The following KDSR variants were observed in gnomAD, a reference collection of about 807,000 sequenced individuals.
KDSR encodes the protein 3-dehydrosphinganine reductase.
A neutral mutation model predicts 41.3 loss-of-function variants in KDSR; 23 were observed. That is an observed-to-expected ratio of 0.56 (90% CI 0.40 to 0.79). The LOEUF is 0.79. KDSR is among the 30% of genes least tolerant of loss of function. The pLI is 0.00. For synonymous variants in KDSR, 138 were observed against 151.7 expected (o/e 0.91, Z 0.66); for missense variants, 351 against 416.8 (o/e 0.84, Z 1.37).
At chr18:63,352,823 C>T (rs886680486) in intron 5 of KDSR, among the ~76,000 whole-genome samples, 1 of 151,668 alleles carries the variant, frequency 6.6e-6, no homozygotes, top group African/African-American at 2.4e-5. Flanking sequence ...CTGGGATTCT[C>T]TTTTTTTTCC....
chr18:63,349,225 T>A (rs1432928561), intron 6 of KDSR, among the ~76,000 whole-genome samples: 1 of 151,886 alleles, frequency 6.6e-6, no homozygotes, highest in Non-Finnish European at 1.5e-5. Context: ...CTACAAAAAA[T>A]TTTAAAAATT....
chr18:63,349,963 G>A (rs894461051), intron 6 of KDSR, among the ~76,000 whole-genome samples: 2 of 152,148 alleles, frequency 1.3e-5, no homozygotes, highest in Non-Finnish European at 2.9e-5. Context: ...GTCAACCCCT[G>A]ATCTAAATCA....
chr18:63,355,409 T>A, intron 4 of KDSR, 89 bp downstream of exon 4: 3 of 1,608,636 alleles, frequency 1.9e-6, no homozygotes, highest in Non-Finnish European at 2.5e-6. Flanking sequence ...TATAGAGAAG[T>A]TGTGTCCATT....
chr18:63,358,220 A>G (rs1362426486), intron 3 of KDSR, among the ~76,000 whole-genome samples: 1 of 152,096 alleles, frequency 6.6e-6, no homozygotes, highest in Non-Finnish European at 1.5e-5. Flanking sequence ...GAAGAAATCA[A>G]GTTGCATAAG....
At position 63,328,934 on chromosome 18, in the gene KDSR, A is replaced by C. The variant is rs1234529210; in HGVS notation, c.*2848T>G. On this transcript the variant is annotated 3_prime_UTR_variant, in exon 10 of 10. Transcript: ENST00000645214. ...TACAGAAGGCCAACATTTAAACTGAATGATAATTAAACGTTTACTACCATA... is the reference window on the plus strand; with the variant it reads ...TACAGAAGGCCAACATTTAAACTGACTGATAATTAAACGTTTACTACCATA... The C allele has an allele frequency of 5.2e-6, 1 of 192,022 alleles. No homozygotes were observed. Among genetic ancestry groups the C allele is most frequent in the African/African-American group, 2.3e-5 (1 of 42,984 alleles). 11.9% of individuals were successfully genotyped at this position (192,022 alleles called of 1,614,324 possible).
At chr18:63,334,784 A>C (rs1439272413) in intron 9 of KDSR, among the ~76,000 whole-genome samples, 7 of 152,212 alleles carry the variant, frequency 4.6e-5, no homozygotes, top group African/African-American at 1.7e-4. Flanking sequence ...CTTGGACAAA[A>C]TAATACATTC....
At chr18:63,356,115 C>T (rs1322272100) in intron 3 of KDSR, among the ~76,000 whole-genome samples, 4 of 152,122 alleles carry the variant, frequency 2.6e-5, no homozygotes, top group Admixed American at 6.6e-5. Context: ...TAGTAGTAAT[C>T]GGCCAGGCGC....
At chr18:63,350,248 C>G (rs773366792) in intron 6 of KDSR, among the ~76,000 whole-genome samples, 40 of 152,224 alleles carry the variant, frequency 2.6e-4, no homozygotes, top group Non-Finnish European at 5.0e-4. Context: ...TAAAGTTGCA[C>G]TCATCATGAC....
chr18:63,335,015 A>G (rs1196118494), intron 9 of KDSR, among the ~76,000 whole-genome samples: 1 of 152,188 alleles, frequency 6.6e-6, no homozygotes, highest in Non-Finnish European at 1.5e-5. Flanking sequence ...ACGGTGTTTT[A>G]TTTCTCTATC....
At position 63,359,492 on chromosome 18, in the gene KDSR, G is replaced by A. The variant is rs186927055; in HGVS notation, c.255+244C>T. The A allele has an allele frequency of 2.7e-5, 10 of 371,926 alleles. No homozygotes were observed. In the South Asian group the frequency reaches 4.1e-4, roughly 15 times the overall value. 23.0% of individuals were successfully genotyped at this position (371,926 alleles called of 1,614,324 possible). A position where few individuals can be genotyped will look rare whatever the true frequency, so the allele number is the denominator to read the frequency against. The stretch of plus-strand genomic sequence containing the variant: ...AGTTCATTAAAAAAAAAATTAAAAT[G>A]AAATTATTTGCCAGTAAAACATTCT... On this transcript the variant is annotated intron_variant, in intron 3 of 9. Coordinates refer to ENST00000645214, the MANE Select transcript of KDSR (RefSeq NM_002035.4).
At chr18:63,358,130 A>G (rs1259234468) in intron 3 of KDSR, among the ~76,000 whole-genome samples, 2 of 152,174 alleles carry the variant, frequency 1.3e-5, no homozygotes, top group Admixed American at 1.3e-4. Flanking sequence ...GTGCCACTGC[A>G]CTCCAGACTG....
intron 2 of KDSR, among the ~76,000 whole-genome samples, chr18:63,361,423 A>G (rs1222499050): frequency 1.3e-5 from 2 of 151,930 alleles, no homozygotes; most frequent in Admixed American, 1.3e-4. Flanking sequence ...GTTTTCATTT[A>G]TGTAAGGTGG....
In KDSR at chr18:63,331,290, GAGACAGAGAGACAGAGAGAC is replaced by G. The variant is rs1568273653; in HGVS notation, c.*472_*491del. 1.3e-4 allele frequency: 27 copies of G among 201,210 alleles called. 1 individual carries two copies. Among genetic ancestry groups the G allele is most frequent in the Admixed American group, 1.0e-3 (15 of 14,568 alleles). 12.5% of individuals were successfully genotyped at this position (201,210 alleles called of 1,614,324 possible). On this transcript the variant is annotated 3_prime_UTR_variant, in exon 10 of 10. Transcript: ENST00000645214. ...AAAGAGAGAGAGAGAGAGAGACAGA[GAGACAGAGAGACAGAGAGAC>G]AGAGAGACAGAGAGACAGAGAGAGA...
At chr18:63,353,853 G>A (rs1173391090) in intron 5 of KDSR, among the ~76,000 whole-genome samples, 1 of 152,118 alleles carries the variant, frequency 6.6e-6, no homozygotes, top group African/African-American at 2.4e-5. Context: ...ACCAGGTGAG[G>A]GCCGCCCTAT....
At chr18:63,337,143 T>C (rs972142806) in intron 8 of KDSR, among the ~76,000 whole-genome samples, 4 of 145,820 alleles carry the variant, frequency 2.7e-5, no homozygotes, top group African/African-American at 1.0e-4. Context: ...TATATGGAGT[T>C]TTGCTCTTGT....
At chr18:63,345,308 T>G (rs752055482) in intron 6 of KDSR, 1 of 152,464 alleles carries the variant, frequency 6.6e-6, no homozygotes. Flanking sequence ...CCTGCACACT[T>G]CACGCTTCAC....
intron 6 of KDSR, among the ~76,000 whole-genome samples, chr18:63,347,938 A>C (rs979549577): frequency 1.3e-5 from 2 of 152,130 alleles, no homozygotes; most frequent in African/African-American, 4.8e-5. Context: ...GTTTGGGGGC[A>C]AAGGGAGGTG....
intron 7 of KDSR, among the ~76,000 whole-genome samples, chr18:63,340,007 G>A (rs879378004): frequency 1.3e-3 from 193 of 152,164 alleles, no homozygotes; most frequent in African/African-American, 4.5e-3. Context: ...AAGGAGCCAC[G>A]ATTCATTCTT....
intron 5 of KDSR, among the ~76,000 whole-genome samples, chr18:63,353,877 G>T (rs780031172): frequency 7.2e-5 from 11 of 152,260 alleles, no homozygotes; most frequent in Non-Finnish European, 1.3e-4. Context: ...TGATGCATAT[G>T]CTTTAGAACT....
Sources: gnomAD v4.1 joint callset for allele counts (sites outside exome capture counted in the v4.1 genomes callset) on GRCh38, gnomAD v4.1.1 for gene constraint, MANE v1.5 for transcripts, NCBI Gene and HGNC (gene_info 2026-07-23, HGNC 2026-07-21) for gene names.